The following DLEC1 variants were observed in gnomAD, a reference collection of about 807,000 sequenced individuals.
DLEC1 encodes the protein deleted in lung and esophageal cancer protein 1.
A neutral mutation model predicts 198.1 loss-of-function variants in DLEC1; 146 were observed. The ratio of observed to expected loss-of-function variants is 0.74; its 90% CI spans 0.64 to 0.85. The LOEUF is 0.85. DLEC1 is among the 40% of genes least tolerant of loss of function. DLEC1 has a pLI of 0.00. For missense variants in DLEC1, 2,233 were observed against 2,220.0 expected (o/e 1.01, Z -0.12); for synonymous variants, 897 against 866.8 (o/e 1.03, Z -0.61).
At chr3:38,114,841 GC>G (rs1700066260) in intron 26 of DLEC1, 141 bp from the exon 27 acceptor site, 2 of 729,004 alleles carry the variant, frequency 2.7e-6, no homozygotes, top group Non-Finnish European at 4.6e-6. Context: ...GAAGGCACCA[GC>G]CCCAGGTCTC....
At chr3:38,109,707 T>C (rs1351679773) in intron 22 of DLEC1, 145 bp downstream of exon 22, 2 of 1,353,232 alleles carry the variant, frequency 1.5e-6, no homozygotes, top group African/African-American at 2.9e-5. Context: ...TTGCGGCCAC[T>C]CACCACTCCT....
chr3:38,117,333 C>A (rs2125744790), intron 31 of DLEC1, 31 bp downstream of exon 31: 1 of 1,611,424 alleles, frequency 6.2e-7, no homozygotes, highest in East Asian at 2.2e-5. Context: ...CATCTCCTTT[C>A]ATCCCCATGG....
chr3:38,114,774 G>A (rs1700062565), intron 26 of DLEC1, among the ~76,000 whole-genome samples: 1 of 152,218 alleles, frequency 6.6e-6, no homozygotes. Context: ...GGGCAGGTGG[G>A]TGGGTTGCCA....
At chr3:38,118,175 C>A (rs1329924978) in intron 33 of DLEC1, 151 bp downstream of exon 33, 1 of 851,460 alleles carries the variant, frequency 1.2e-6, no homozygotes, top group Non-Finnish European at 1.8e-6. Flanking sequence ...CGGGGGTGCA[C>A]TCCCACCAGA....
intron 6 of DLEC1, among the ~76,000 whole-genome samples, chr3:38,079,390 C>G (rs1173700152): frequency 1.3e-5 from 2 of 152,144 alleles, no homozygotes; most frequent in African/African-American, 4.8e-5. Flanking sequence ...GCAAGGGAAA[C>G]AGGCCCTTGA....
At position 38,123,450 on chromosome 3, in the gene DLEC1, T is replaced by A. The variant is rs754282070; in HGVS notation, c.*1038T>A. 4.4e-5 allele frequency: 10 copies of A among 226,754 alleles called. No homozygotes were observed. Among genetic ancestry groups the A allele is most frequent in the Non-Finnish European group, 8.6e-5 (10 of 116,530 alleles). 14.0% of individuals were successfully genotyped at this position (226,754 alleles called of 1,614,324 possible). On this transcript the variant is annotated 3_prime_UTR_variant, in exon 37 of 37. Coordinates refer to ENST00000308059, the MANE Select transcript of DLEC1 (RefSeq NM_007335.4). ...CAATCCCAAACACAATCATCCCAAATGTTGAAATCCTGGAAGAACAAAATC... is the reference window on the plus strand; with the variant it reads ...CAATCCCAAACACAATCATCCCAAAAGTTGAAATCCTGGAAGAACAAAATC...
intron 2 of DLEC1, among the ~76,000 whole-genome samples, chr3:38,053,632 C>G (rs1701262140): frequency 1.3e-5 from 2 of 151,052 alleles, no homozygotes; most frequent in African/African-American, 4.9e-5. Flanking sequence ...GCGCCTCTGC[C>G]CGGCCGCCCC....
At chr3:38,102,445 T>G (rs1190595629) in intron 19 of DLEC1, among the ~76,000 whole-genome samples, 1 of 152,246 alleles carries the variant, frequency 6.6e-6, no homozygotes. Context: ...TGTTATAGTC[T>G]TATCAATGCA....
chr3:38,110,921 T>C (rs1436400944), intron 23 of DLEC1, among the ~76,000 whole-genome samples: 8 of 152,028 alleles, frequency 5.3e-5, no homozygotes, highest in African/African-American at 1.9e-4. Flanking sequence ...TATACACATA[T>C]ACACATGCAC....
intron 1 of DLEC1, 33 bp from the exon 2 acceptor site, chr3:38,045,510 A>G (rs569356843): frequency 4.4e-6 from 7 of 1,602,368 alleles, no homozygotes; most frequent in Non-Finnish European, 6.0e-6. Flanking sequence ...TAATCTCACC[A>G]TATTTCTGTG....
chr3:38,117,295 C>T lies in DLEC1; in HGVS notation c.4393C>T (p.Pro1465Ser), dbSNP rs780951599. 1.9e-6 allele frequency: 3 copies of T among 1,613,954 alleles called. No individual in the cohort carries two copies. In the African/African-American group the frequency reaches 4.0e-5, roughly 22 times the overall value. The change falls in exon 31 of 37, where the codon CCT becomes TCT. Residue 1465 changes from proline (P) to serine (S), a missense_variant. By Grantham distance (74) the Pro-to-Ser change is moderately conservative. Transcript: ENST00000308059. The stretch of plus-strand genomic sequence containing the variant: ...ACTGGACCTGCATAGCTACGTGAGG[C>T]CTGCACAGTGAGTCAGCTGGGGTGC... ...LKLDLHSYVRPAQLSVELDYG... is the reference protein window; with the variant it reads ...LKLDLHSYVRSAQLSVELDYG...
rs1700587439 is a variant in DLEC1, at chr3:38,123,425, C to T, written c.*1013C>T. On this transcript the variant is annotated 3_prime_UTR_variant, in exon 37 of 37. Coordinates refer to ENST00000308059, the MANE Select transcript of DLEC1 (RefSeq NM_007335.4). ...GGATCGATCATAATCCCAAAAGACACAATCCCAAACACAATCATCCCAAAT... is the reference window on the plus strand; with the variant it reads ...GGATCGATCATAATCCCAAAAGACATAATCCCAAACACAATCATCCCAAAT... 1.7e-5 allele frequency: 5 copies of T among 292,844 alleles called. No individual in the cohort carries two copies. In the South Asian group the frequency reaches 3.9e-4, roughly 23 times the overall value. 18.1% of individuals were successfully genotyped at this position (292,844 alleles called of 1,614,324 possible).
At chr3:38,077,688 A>G (rs1220531849) in intron 6 of DLEC1, among the ~76,000 whole-genome samples, 1 of 152,206 alleles carries the variant, frequency 6.6e-6, no homozygotes, top group Non-Finnish European at 1.5e-5. Context: ...TGGCCTTCTC[A>G]GACCCTGTAG....
chr3:38,067,323 A>G (rs1317712333), intron 6 of DLEC1, among the ~76,000 whole-genome samples: 5 of 152,356 alleles, frequency 3.3e-5, no homozygotes, highest in Admixed American at 2.0e-4. Flanking sequence ...GAGGAAACCA[A>G]TGAAGAGGAA....
At chr3:38,061,196 T>C (rs965873176) in intron 3 of DLEC1, among the ~76,000 whole-genome samples, 7 of 152,124 alleles carry the variant, frequency 4.6e-5, no homozygotes, top group African/African-American at 1.7e-4. Context: ...TGTTTTTTCT[T>C]GAGACAGAGT....
chr3:38,061,672 G>T (rs143086266), intron 3 of DLEC1, among the ~76,000 whole-genome samples: 8 of 150,680 alleles, frequency 5.3e-5, no homozygotes, highest in Middle Eastern at 3.5e-3. Context: ...GTTGTTGTTT[G>T]TTTGTTTGTT....
Position 38,086,382 on chromosome 3 carries a change from G to A in DLEC1, c.1572+5G>A, listed in dbSNP as rs1222484061. On this transcript the variant is annotated splice_donor_5th_base_variant and intron_variant, in intron 9 of 36. Coordinates refer to ENST00000308059, the MANE Select transcript of DLEC1 (RefSeq NM_007335.4). ...TGGCCACCACTAAGTTTCAAGGTGA[G>A]TGATCACAGGTTGCTAACTGGAAAA... The A allele has an allele frequency of 1.3e-6, 2 of 1,594,810 alleles. No individual in the cohort carries two copies. The highest frequency in any genetic ancestry group is 1.1e-5 in the South Asian group (1 of 87,824).
At position 38,062,304 on chromosome 3, in the gene DLEC1, C is replaced by T; in HGVS notation, c.809C>T (p.Thr270Ile). The T allele has an allele frequency of 6.2e-7, 1 of 1,614,220 alleles. No homozygotes were observed. Among genetic ancestry groups the T allele is most frequent in the South Asian group, 1.1e-5 (1 of 91,082 alleles). ...LAEFEDELDH[T>I]VDSLTWNLTP... ...GAGTTCGAAGATGAGTTAGACCACACTGTGGACAGCCTGACATGGAATTTA... is the reference window on the plus strand; with the variant it reads ...GAGTTCGAAGATGAGTTAGACCACATTGTGGACAGCCTGACATGGAATTTA... Residue 270 changes from threonine (T) to isoleucine (I), a missense_variant, in exon 4 of 37, where the codon ACT (threonine) becomes ATT (isoleucine). Thr to Ile is a moderately conservative substitution (Grantham distance 89). Coordinates refer to ENST00000308059, the MANE Select transcript of DLEC1 (RefSeq NM_007335.4).
intron 35 of DLEC1, 131 bp downstream of exon 35, chr3:38,121,912 G>A (rs375953989): frequency 1.3e-6 from 2 of 1,509,202 alleles, no homozygotes; most frequent in Non-Finnish European, 1.8e-6. Context: ...TGGAATTTCT[G>A]CAGAGCAGCC....
Sources: gnomAD v4.1 joint callset for allele counts (sites outside exome capture counted in the v4.1 genomes callset) on GRCh38, gnomAD v4.1.1 for gene constraint, MANE v1.5 for transcripts, NCBI Gene and HGNC (gene_info 2026-07-23, HGNC 2026-07-21) for gene names.